FAM217B: variants seen among roughly 807,000 people sequenced by gnomAD.
FAM217B encodes family with sequence similarity 217 member B, also known as protein FAM217B.
For synonymous variants in FAM217B, 163 were observed against 173.0 expected (o/e 0.94, Z 0.45); for missense variants, 463 against 456.9 (o/e 1.01, Z -0.12).
chr20:59,935,098 A>G (rs909224068), intron 1 of FAM217B, among the ~76,000 whole-genome samples: 1 of 152,230 alleles, frequency 6.6e-6, no homozygotes, highest in Non-Finnish European at 1.5e-5. Context: ...TTTAAGTACT[A>G]ATAATGTATA....
chr20:59,946,589 T>C lies in FAM217B; in HGVS notation c.*1494T>C, dbSNP rs543792061. The stretch of plus-strand genomic sequence containing the variant: ...GTCTTTTAAAATCTGATTTTGATCA[T>C]ACCAAATGACATAATATTTTTTATG... On this transcript the variant is annotated 3_prime_UTR_variant, in exon 4 of 4. Transcript: ENST00000360816. 6.0e-6 allele frequency: 1 copy of C among 167,214 alleles called. No homozygotes were observed. The highest frequency in any genetic ancestry group is 2.1e-4 in the South Asian group (1 of 4,832). The allele number at this position is 167,214 out of a possible 1,614,324, so 10.4% of individuals were successfully genotyped here. A position where few individuals can be genotyped will look rare whatever the true frequency, so the allele number is the denominator to read the frequency against.
chr20:59,935,986 G>A (rs1398515091), upstream of FAM217B, among the ~76,000 whole-genome samples: 2 of 152,154 alleles, frequency 1.3e-5, no homozygotes, highest in East Asian at 1.9e-4. Context: ...TCTGAGAAAG[G>A]TGTCCTCCTC....
At position 59,945,385 on chromosome 20, in the gene FAM217B, A is replaced by G. The variant is rs1158699897; in HGVS notation, c.*290A>G. ...GGAATAAAATGGCACCTCTCCAGGG[A>G]AAGTGTCAGTGAAACCTCAGCTACA... On this transcript the variant is annotated 3_prime_UTR_variant, in exon 4 of 4. Coordinates refer to ENST00000360816, the MANE Select transcript of FAM217B (RefSeq NM_022106.3). 3.5e-6 allele frequency: 1 copy of G among 289,242 alleles called. No individual in the cohort carries two copies. Among genetic ancestry groups the G allele is most frequent in the Non-Finnish European group, 6.9e-6 (1 of 144,090 alleles). The allele number at this position is 289,242 out of a possible 1,614,324, so 17.9% of individuals were successfully genotyped here. A position where few individuals can be genotyped will look rare whatever the true frequency, so the allele number is the denominator to read the frequency against.
chr20:59,935,612 CAA>C (rs1174021661), upstream of FAM217B, among the ~76,000 whole-genome samples: 3 of 152,076 alleles, frequency 2.0e-5, no homozygotes, highest in African/African-American at 7.2e-5. Flanking sequence ...TACAAAAAAA[CAA>C]AATTAGCCAG....
upstream of FAM217B, chr20:59,939,262 G>T (rs766140270): frequency 6.2e-6 from 10 of 1,611,464 alleles, no homozygotes; most frequent in African/African-American, 1.3e-4. Flanking sequence ...GCGGGCCCGC[G>T]CCACCGCGCC....
upstream of FAM217B, chr20:59,939,236 C>CGT (rs2060882109): frequency 6.2e-7 from 1 of 1,611,180 alleles, no homozygotes; most frequent in African/African-American, 1.3e-5. Context: ...AAACGTCCTC[C>CGT]GTGCCCTCGG....
At chr20:59,936,676 C>G (rs574629186), upstream of FAM217B, 10 of 152,196 alleles carry the variant, frequency 6.6e-5, no homozygotes, top group Non-Finnish European at 1.3e-4. Context: ...GGCACAATGA[C>G]AAAATTTATT....
In FAM217B at chr20:59,944,629, G is replaced by C. The variant is rs751846264; in HGVS notation, c.686G>C (p.Ser229Thr). 3 of 1,614,116 alleles carry C rather than the reference G, an allele frequency of 1.9e-6. No individual in the cohort carries two copies. The highest frequency in any genetic ancestry group is 2.5e-6 in the Non-Finnish European group (3 of 1,180,028). Reference protein sequence around the residue: ...KSPGRSKLIASALSKPLPHQE... With the variant: ...KSPGRSKLIATALSKPLPHQE... ...CCTGGGAGAAGTAAGCTAATTGCTA[G>C]TGCTCTGTCCAAGCCACTACCTCAC... is the stretch of plus-strand genomic sequence containing the variant. Residue 229 changes from serine (S) to threonine (T), a missense_variant, in exon 4 of 4, where the codon AGT becomes ACT. By Grantham distance (58) the Ser-to-Thr change is moderately conservative. Coordinates refer to ENST00000360816, the MANE Select transcript of FAM217B (RefSeq NM_022106.3).
upstream of FAM217B, chr20:59,939,914 G>A (rs764335389): frequency 8.0e-7 from 1 of 1,256,876 alleles, no homozygotes; most frequent in Non-Finnish European, 1.0e-6. Flanking sequence ...GGACCGCGGA[G>A]CTCGGGCCTC....
chr20:59,945,166 C>T lies in FAM217B; in HGVS notation c.*71C>T, dbSNP rs2060930217. 1 of 1,298,028 alleles carries T rather than the reference C, an allele frequency of 7.7e-7. No homozygotes were observed. The highest frequency in any genetic ancestry group is 1.0e-6 in the Non-Finnish European group (1 of 963,266). The allele number at this position is 1,298,028 out of a possible 1,614,324, so 80.4% of individuals were successfully genotyped here. A position where few individuals can be genotyped will look rare whatever the true frequency, so the allele number is the denominator to read the frequency against. On this transcript the variant is annotated 3_prime_UTR_variant, in exon 4 of 4. Coordinates refer to ENST00000360816, the MANE Select transcript of FAM217B (RefSeq NM_022106.3). ...TAGAGCGCTTCCAAAAGTCAAAATA[C>T]TGTGAATTTTAAGGAATTTTACAAA...
chr20:59,944,416 T>TG lies in FAM217B; in HGVS notation c.475dup (p.Ala159GlyfsTer26). ...TTCAGCTCCTGGGACCTACGAGATATGGCCCTGCTTCTGAACGCAGAGAAC... is the reference window on the plus strand; with the variant it reads ...TTCAGCTCCTGGGACCTACGAGATATGGGCCCTGCTTCTGAACGCAGAGAAC... On this transcript the variant is annotated frameshift_variant, in exon 4 of 4. Transcript: ENST00000360816. LOFTEE classifies it low-confidence loss of function (END_TRUNC). 3 of 1,613,870 alleles carry TG rather than the reference T, an allele frequency of 1.9e-6. No individual in the cohort carries two copies. The highest frequency in any genetic ancestry group is 2.5e-6 in the Non-Finnish European group (3 of 1,179,964).
chr20:59,934,243 C>T lies in FAM217B; in HGVS notation c.-326+390C>T, dbSNP rs368525052. On this transcript the variant is annotated intron_variant, in intron 1 of 4. Transcript: ENST00000358293. ...GCGGGAGAGACCGCAGGTCCGGAGA[C>T]GGGGTGCTGAGCTGGGTACCCAACT... 1.5e-3 allele frequency among the ~76,000 whole-genome samples: 233 copies of T among 152,306 alleles called. 1 individual carries two copies. The highest frequency in any genetic ancestry group is 5.4e-3 in the African/African-American group (223 of 41,568).
upstream of FAM217B, chr20:59,937,609 G>T (rs912510902): frequency 2.0e-5 from 3 of 151,736 alleles, no homozygotes; most frequent in Non-Finnish European, 2.9e-5. Context: ...AAATTGATCA[G>T]ACTGGTTTCA....
chr20:59,938,710 G>A (rs1377751056), upstream of FAM217B: 2 of 252,692 alleles, frequency 7.9e-6, no homozygotes, highest in African/African-American at 2.2e-5. Context: ...TTCCTAGCAG[G>A]AGGACTTGGG....
upstream of FAM217B, chr20:59,939,882 CG>C (rs1601042291): frequency 8.0e-7 from 1 of 1,250,836 alleles, no homozygotes; most frequent in East Asian, 3.1e-5. Context: ...GCCGAGCTTC[CG>C]GGATCCCAGG....
rs1412161951 is a variant in FAM217B at position 59,947,584 on chromosome 20, G to A, written c.*2489G>A. 1 of 167,008 alleles carries A rather than the reference G, an allele frequency of 6.0e-6. No individual in the cohort carries two copies. The highest frequency in any genetic ancestry group is 2.4e-5 in the African/African-American group (1 of 41,432). The allele number at this position is 167,008 out of a possible 1,614,324, so 10.3% of individuals were successfully genotyped here. A position where few individuals can be genotyped will look rare whatever the true frequency, so the allele number is the denominator to read the frequency against. ...CCAGCTTTTTAAATTGAAGCTGGTT[G>A]CATAATCTGGGGAATAGTCATAATT... is the stretch of plus-strand genomic sequence containing the variant. On this transcript the variant is annotated 3_prime_UTR_variant, in exon 4 of 4. Coordinates refer to ENST00000360816, the MANE Select transcript of FAM217B (RefSeq NM_022106.3).
upstream of FAM217B, chr20:59,939,266 C>T (rs1222188796): frequency 6.2e-7 from 1 of 1,612,086 alleles, no homozygotes; most frequent in East Asian, 2.2e-5. Flanking sequence ...GCCCGCGCCA[C>T]CGCGCCACCG....
At chr20:59,938,673 A>G, upstream of FAM217B, 1 of 193,072 alleles carries the variant, frequency 5.2e-6, no homozygotes, top group Non-Finnish European at 1.0e-5. Flanking sequence ...GTTTACAGAG[A>G]CACATTCAGG....
In FAM217B at chr20:59,945,352, C is replaced by A; in HGVS notation, c.*257C>A. 5.6e-6 allele frequency: 2 copies of A among 358,288 alleles called. No homozygotes were observed. The highest frequency in any genetic ancestry group is 1.1e-5 in the Non-Finnish European group (2 of 188,194). The allele number at this position is 358,288 out of a possible 1,614,324, so 22.2% of individuals were successfully genotyped here. A position where few individuals can be genotyped will look rare whatever the true frequency, so the allele number is the denominator to read the frequency against. On this transcript the variant is annotated 3_prime_UTR_variant, in exon 4 of 4. Transcript: ENST00000360816. ...GATAAAAATTATGTAAAATATGTGCCATATAAAGGAATAAAATGGCACCTC... is the reference window on the plus strand; with the variant it reads ...GATAAAAATTATGTAAAATATGTGCAATATAAAGGAATAAAATGGCACCTC...
Sources: allele counts gnomAD v4.1 joint callset (sites outside exome capture counted in the v4.1 genomes callset), GRCh38; gene constraint gnomAD v4.1.1; transcripts MANE v1.5; gene names NCBI Gene and HGNC (gene_info 2026-07-23, HGNC 2026-07-21).